The following ZNF8 variants were observed in gnomAD, a reference collection of about 807,000 sequenced individuals.
ZNF8 encodes zinc finger protein 8.
Under a neutral mutation model 12.2 loss-of-function variants are expected in ZNF8, and 9 were observed. The observed-to-expected ratio is 0.73, with a 90% CI of 0.44 to 1.28. The LOEUF (loss-of-function observed/expected upper bound fraction) is 1.28, where lower values mean the gene tolerates loss of function less well. ZNF8 is among the 50% of genes most tolerant of loss of function. The probability of loss-of-function intolerance (pLI) is 0.00; values close to 1 mark genes in which losing one functional copy is unlikely to be tolerated. For missense variants in ZNF8, 664 were observed against 729.1 expected (o/e 0.91, Z 1.03); for synonymous variants, 274 against 282.3 (o/e 0.97, Z 0.30).
At chr19:58,288,794 G>A (rs140181841) in intron 3 of ZNF8, among the ~76,000 whole-genome samples, 21 of 152,264 alleles carry the variant, frequency 1.4e-4, no homozygotes, top group Non-Finnish European at 2.5e-4. Context: ...CCATGATAGC[G>A]TATGACCTAT....
chr19:58,283,831 C>T (rs978821622), intron 1 of ZNF8, among the ~76,000 whole-genome samples: 4 of 151,682 alleles, frequency 2.6e-5, no homozygotes, highest in East Asian at 2.0e-4. Flanking sequence ...GATCTCCTGA[C>T]CTCGTGATCT....
rs143234241 is a variant in ZNF8 at position 58,282,776 on chromosome 19, C to T, written c.67-2941C>T. On this transcript the variant is annotated intron_variant, in intron 1 of 3. Transcript: ENST00000621650. ...CCAAGTAGCTGGGACTACAGGAGCACGCTGCCACGCCCGGCTAATTTTTGA... is the reference window on the plus strand; with the variant it reads ...CCAAGTAGCTGGGACTACAGGAGCATGCTGCCACGCCCGGCTAATTTTTGA... 3.9e-3 allele frequency among the ~76,000 whole-genome samples: 595 copies of T among 151,824 alleles called. 2 individuals carry two copies. Among genetic ancestry groups the T allele is most frequent in the African/African-American group, 0.014 (565 of 41,390 alleles).
rs1452968991 is a variant in ZNF8 at position 58,285,462 on chromosome 19, G to A, written c.67-255G>A. On this transcript the variant is annotated intron_variant, in intron 1 of 3. Coordinates refer to ENST00000621650, the MANE Select transcript of ZNF8 (RefSeq NM_021089.3). The stretch of plus-strand genomic sequence containing the variant: ...TAGGCCAGTCTCTGCTGGTACCCTC[G>A]TCTGTCTTGTTAGATGTAGGTCAGC... Among the ~76,000 whole-genome samples, 8 of 152,268 alleles carry A rather than the reference G, an allele frequency of 5.3e-5. No homozygotes were observed. In the South Asian group the frequency reaches 6.2e-4, roughly 12 times the overall value.
In ZNF8 at chr19:58,294,717, T is replaced by G. The variant is rs260471; in HGVS notation, c.909T>G (p.His303Gln). The G allele has an allele frequency of 1.2e-6, 2 of 1,613,778 alleles. No individual in the cohort carries two copies. The highest frequency in any genetic ancestry group is 1.7e-6 in the Non-Finnish European group (2 of 1,179,970). The change falls in exon 4 of 4, where the codon CAT becomes CAG. Residue 303 changes from histidine to glutamine, a missense_variant. His to Gln is a conservative substitution (Grantham distance 24). Transcript: ENST00000621650. The surrounding 1 kb of genome is among the most constrained non-coding windows in gnomAD (Gnocchi z 5.5). Reference protein sequence around the residue: ...AFSQNSSLVQHERIHTGDKPY... With the variant: ...AFSQNSSLVQQERIHTGDKPY... ...GCCAGAACTCCTCCCTCGTCCAGCA[T>G]GAGCGCATCCACACTGGAGACAAGC...
intron 1 of ZNF8, chr19:58,279,923 T>C: frequency 8.7e-7 from 1 of 1,147,656 alleles, no homozygotes; most frequent in Non-Finnish European, 1.1e-6. Flanking sequence ...GGGATTTGCA[T>C]TATTTCAGAT....
Position 58,297,234 on chromosome 19 carries a change from GA to G in ZNF8, c.*1708del, listed in dbSNP as rs5828757. 0.51 allele frequency: 76,095 copies of G among 148,582 alleles called. 20,078 individuals are homozygous for G. Among genetic ancestry groups the G allele is most frequent in the Non-Finnish European group, 0.57 (38,555 of 67,138 alleles). The allele number at this position is 148,582 out of a possible 1,614,324, so 9.2% of individuals were successfully genotyped here. On this transcript the variant is annotated 3_prime_UTR_variant, in exon 4 of 4. Coordinates refer to ENST00000621650, the MANE Select transcript of ZNF8 (RefSeq NM_021089.3). ...GGTGACAGAGCAAGACTCTGTCTCA[GA>G]AAAAAAAAAGAAAAGAAAAAAAACC... is the stretch of plus-strand genomic sequence containing the variant.
chr19:58,286,193 G>A lies in ZNF8; in HGVS notation c.277G>A (p.Gly93Ser), dbSNP rs749157062. ...GGTGGCTGAGAGAGGAACCACCCAG[G>A]GCTGCCATCCAGGTGAGAACCCACT... ...LWVAERGTTQ[G>S]CHPAWEPRSE... Residue 93 changes from glycine (G) to serine (S), a missense_variant, in exon 3 of 4, where the codon GGC (glycine) becomes AGC (serine). Transcript: ENST00000621650. The A allele has an allele frequency of 1.2e-6, 2 of 1,601,528 alleles. No individual in the cohort carries two copies. The highest frequency in any genetic ancestry group is 1.7e-4 in the Middle Eastern group (1 of 6,040).
At chr19:58,286,472 C>A in intron 3 of ZNF8, 1 of 348,772 alleles carries the variant, frequency 2.9e-6, no homozygotes, top group South Asian at 3.5e-5. Flanking sequence ...TGCCAGGCTC[C>A]CCCAGCACTC....
In ZNF8 at chr19:58,294,591, C is replaced by T; in HGVS notation, c.783C>T (p.Asp261=). ...AGGACAAACCCTACAAATGTACTGA[C>T]TGTGGGAAGTCGTTTAACCATAACG... is the stretch of plus-strand genomic sequence containing the variant. The part of the protein sequence containing the change: ...QVQDKPYKCT[D]CGKSFNHNAH... Residue 261 remains aspartate, a synonymous_variant, in exon 4 of 4, where the codon GAC becomes GAT. Transcript: ENST00000621650. This position sits in a 1 kb window ranked among gnomAD's most constrained non-coding sequence, Gnocchi z 5.5. The T allele has an allele frequency of 6.2e-7, 1 of 1,614,146 alleles. No individual in the cohort carries two copies. Among genetic ancestry groups the T allele is most frequent in the Non-Finnish European group, 8.5e-7 (1 of 1,180,020 alleles).
rs2051465832 is a variant in ZNF8 at position 58,297,888 on chromosome 19, T to C, written c.*2352T>C. On this transcript the variant is annotated 3_prime_UTR_variant, in exon 4 of 4. Coordinates refer to ENST00000621650, the MANE Select transcript of ZNF8 (RefSeq NM_021089.3). ...ACATTTTTGCTGTGCACTGATAGTG[T>C]GAAAGCAATGGCAGGTAAAACTGCT... 1 of 152,214 alleles carries C rather than the reference T, an allele frequency of 6.6e-6. No individual in the cohort carries two copies. The highest frequency in any genetic ancestry group is 1.5e-5 in the Non-Finnish European group (1 of 68,044). The allele number at this position is 152,214 out of a possible 1,614,324, so 9.4% of individuals were successfully genotyped here.
chr19:58,294,435 C>G lies in ZNF8; in HGVS notation c.627C>G (p.Asp209Glu). The change falls in exon 4 of 4, where the codon GAC becomes GAG. Residue 209 changes from aspartate (D) to glutamate (E), a missense_variant. This residue lies in a region of ZNF8 where 306 missense variants were observed against 308.7 expected (regional missense o/e 0.99). Coordinates refer to ENST00000621650, the MANE Select transcript of ZNF8 (RefSeq NM_021089.3). The surrounding 1 kb of genome is among the most constrained non-coding windows in gnomAD (Gnocchi z 5.5). ...YLYTYDSQIT[D>E]SEHNSSLVSQ... Reference sequence around the variant, plus strand: ...ATACTTACGACTCACAGATTACAGACTCAGAACATAACTCCAGCTTAGTCA... The same window carrying G: ...ATACTTACGACTCACAGATTACAGAGTCAGAACATAACTCCAGCTTAGTCA... 1.2e-6 allele frequency: 2 copies of G among 1,614,144 alleles called. No homozygotes were observed.
At position 58,294,952 on chromosome 19, in the gene ZNF8, A is replaced by G; in HGVS notation, c.1144A>G (p.Thr382Ala). ...SVCGKSFSRT[T>A]CLFLHLRTHT... ...GTGTGGGAAATCCTTCTCTCGGACC[A>G]CTTGCCTTTTCCTGCACCTGAGAAC... The change falls in exon 4 of 4, where the codon ACT (threonine) becomes GCT (alanine). Residue 382 changes from threonine (T) to alanine (A), a missense_variant. Transcript: ENST00000621650. The surrounding 1 kb of genome is among the most constrained non-coding windows in gnomAD (Gnocchi z 5.5). 6.2e-7 allele frequency: 1 copy of G among 1,614,108 alleles called. No homozygotes were observed. The highest frequency in any genetic ancestry group is 8.5e-7 in the Non-Finnish European group (1 of 1,179,992).
chr19:58,284,093 G>A (rs983337272), intron 1 of ZNF8, among the ~76,000 whole-genome samples: 5 of 151,968 alleles, frequency 3.3e-5, no homozygotes, highest in Admixed American at 6.6e-5. Context: ...GTGTGGTGGC[G>A]TGCACCTGTA....
At chr19:58,290,199 C>T (rs966525634) in intron 3 of ZNF8, among the ~76,000 whole-genome samples, 19 of 149,846 alleles carry the variant, frequency 1.3e-4, no homozygotes, top group African/African-American at 4.2e-4. Context: ...TTGCAAGCTC[C>T]GCCTCCCGGG....
At chr19:58,283,889 G>A (rs1462112956) in intron 1 of ZNF8, among the ~76,000 whole-genome samples, 1 of 134,278 alleles carries the variant, frequency 7.4e-6, no homozygotes, top group African/African-American at 2.5e-5. Context: ...ATGAGCCACC[G>A]CTCCCAGCCC....
Position 58,294,230 on chromosome 19 carries a change from G to T in ZNF8, c.422G>T (p.Arg141Met). The T allele has an allele frequency of 6.2e-7, 1 of 1,614,174 alleles. No homozygotes were observed. The highest frequency in any genetic ancestry group is 8.5e-7 in the Non-Finnish European group (1 of 1,180,030). ...TATCCCACCACGTTAGGGAAAGACA[G>T]GGAGTGTCAGAGCCAGAGTCTGGCA... is the stretch of plus-strand genomic sequence containing the variant. ...APYPTTLGKD[R>M]ECQSQSLALK... The change falls in exon 4 of 4, where the codon AGG becomes ATG. Residue 141 changes from arginine (R) to methionine (M), a missense_variant. By Grantham distance (91) the Arg-to-Met change is moderately conservative. Transcript: ENST00000621650. This position sits in a 1 kb window ranked among gnomAD's most constrained non-coding sequence, Gnocchi z 5.5.
intron 3 of ZNF8, among the ~76,000 whole-genome samples, chr19:58,291,971 G>A (rs544063660): frequency 6.6e-6 from 1 of 152,236 alleles, no homozygotes; most frequent in East Asian, 1.9e-4. Context: ...GCCAGGGCAT[G>A]GTGGAGAAGG....
chr19:58,288,736 C>G (rs992268849), intron 3 of ZNF8, among the ~76,000 whole-genome samples: 2 of 152,194 alleles, frequency 1.3e-5, no homozygotes, highest in East Asian at 1.9e-4. Context: ...CCAAATACTT[C>G]TGATGCCACC....
In ZNF8 at chr19:58,299,216, C is replaced by T. The variant is rs562584134; in HGVS notation, c.*3680C>T. The T allele has an allele frequency of 6.6e-6, 1 of 150,648 alleles. No individual in the cohort carries two copies. Among genetic ancestry groups the T allele is most frequent in the East Asian group, 2.0e-4 (1 of 4,972 alleles). 9.3% of individuals were successfully genotyped at this position (150,648 alleles called of 1,614,324 possible). A position where few individuals can be genotyped will look rare whatever the true frequency, so the allele number is the denominator to read the frequency against. ...CAAGCTCCGCCTCCCAGGTTCATGC[C>T]ATTCTCCTGCCTCAGCCTCCCGAGT... On this transcript the variant is annotated 3_prime_UTR_variant, in exon 4 of 4. Transcript: ENST00000621650.
Sources: allele counts gnomAD v4.1 joint callset (sites outside exome capture counted in the v4.1 genomes callset), GRCh38; gene constraint gnomAD v4.1.1; regional missense constraint gnomAD v4.1.1; non-coding constraint Gnocchi (gnomAD v3.1); transcripts MANE v1.5; gene names NCBI Gene and HGNC (gene_info 2026-07-23, HGNC 2026-07-21).